SIPA1L3: variants seen among roughly 807,000 people sequenced by gnomAD.
SIPA1L3 encodes signal induced proliferation associated 1 like 3, also known as signal-induced proliferation-associated 1-like protein 3.
SIPA1L3 carries 59 observed loss-of-function variants against 150.1 expected under a neutral mutation model. That is an observed-to-expected ratio of 0.39 (90% CI 0.32 to 0.49). The LOEUF (loss-of-function observed/expected upper bound fraction) is 0.49. SIPA1L3 is among the 20% of genes least tolerant of loss of function. The pLI, the probability that SIPA1L3 is intolerant of heterozygous loss-of-function variation, is 0.86. For synonymous variants in SIPA1L3, 1,070 were observed against 1,077.6 expected (o/e 0.99, Z 0.14); for missense variants, 2,211 against 2,489.5 (o/e 0.89, Z 2.38).
chr19:37,971,709 C>T (rs748535923), intron 1 of SIPA1L3, among the ~76,000 whole-genome samples: 15 of 151,958 alleles, frequency 9.9e-5, no homozygotes, highest in African/African-American at 3.1e-4. Context: ...GGATTACAGG[C>T]GTGTGACACC....
In SIPA1L3 at chr19:38,142,677, C is replaced by A; in HGVS notation, c.3500C>A (p.Ala1167Asp). The change falls in exon 12 of 22, where the codon GCC (alanine) becomes GAC (aspartate). Residue 1167 changes from alanine to aspartate, a missense_variant. Physicochemically the swap from Ala to Asp is moderately radical, Grantham distance 126. Transcript: ENST00000222345. ...GGGAGCTTCTCCACCCCCGGTTCGG[C>A]CACCTACGTGAGATACAAGCCATCC... The part of the protein sequence containing the change: ...PSGSFSTPGS[A>D]TYVRYKPSPE... 1 of 1,614,050 alleles carries A rather than the reference C, an allele frequency of 6.2e-7. No individual in the cohort carries two copies. The highest frequency in any genetic ancestry group is 1.1e-5 in the South Asian group (1 of 91,064).
chr19:38,106,034 T>C (rs974968006), intron 6 of SIPA1L3, among the ~76,000 whole-genome samples: 6 of 152,222 alleles, frequency 3.9e-5, no homozygotes, highest in Non-Finnish European at 5.9e-5. Flanking sequence ...CCATTGGTGC[T>C]GTCAGACTTT....
chr19:38,112,635 GCCAGCTTTAACAGATGTTAACA>G (rs1435017253), intron 8 of SIPA1L3, among the ~76,000 whole-genome samples: 1 of 151,960 alleles, frequency 6.6e-6, no homozygotes, highest in Non-Finnish European at 1.5e-5. Flanking sequence ...TGTGCCCACC[GCCAGCTTTAACAGATGTTAACA>G]TTTTGCTTTG....
At chr19:38,043,705 C>G (rs1968981208) in intron 2 of SIPA1L3, among the ~76,000 whole-genome samples, 1 of 152,198 alleles carries the variant, frequency 6.6e-6, no homozygotes, top group Non-Finnish European at 1.5e-5. Flanking sequence ...GCTTACCTCA[C>G]CATCCGTAAT....
chr19:37,970,125 T>C (rs1270901122), intron 1 of SIPA1L3, among the ~76,000 whole-genome samples: 2 of 152,242 alleles, frequency 1.3e-5, no homozygotes, highest in South Asian at 2.1e-4. Context: ...TAGTTTGTCA[T>C]TGGACTAGAG....
At chr19:37,988,837 C>T (rs1300004295) in intron 1 of SIPA1L3, among the ~76,000 whole-genome samples, 2 of 152,144 alleles carry the variant, frequency 1.3e-5, no homozygotes, top group South Asian at 2.1e-4. Context: ...GCTCCTAGAA[C>T]GCACCAGGCA....
At position 38,019,141 on chromosome 19, in the gene SIPA1L3, C is replaced by T. The variant is rs144381526; in HGVS notation, c.-378-9948C>T. On this transcript the variant is annotated intron_variant, in intron 1 of 21. Transcript: ENST00000222345. ...AAGACTACCGGCTCATTTGAAAAGC[C>T]CATTTGGCTGCCAGTAACAGACACC... 1.3e-3 allele frequency among the ~76,000 whole-genome samples: 196 copies of T among 152,266 alleles called. 1 individual carries two copies. The highest frequency in any genetic ancestry group is 4.7e-3 in the African/African-American group (194 of 41,542).
At chr19:38,143,651 G>A (rs1971643777) in intron 12 of SIPA1L3, among the ~76,000 whole-genome samples, 1 of 143,212 alleles carries the variant, frequency 7.0e-6, no homozygotes, top group Non-Finnish European at 1.5e-5. Flanking sequence ...TGATTCTCCT[G>A]CCTCAGCCTC....
chr19:38,153,043 A>C, intron 13 of SIPA1L3, 76 bp downstream of exon 13: 1 of 1,526,598 alleles, frequency 6.6e-7, no homozygotes, highest in Non-Finnish European at 8.8e-7. Context: ...CTTGACAGGC[A>C]ACACTCCCCC....
chr19:38,166,495 G>C (rs1312485311), intron 15 of SIPA1L3, among the ~76,000 whole-genome samples: 1 of 151,908 alleles, frequency 6.6e-6, no homozygotes. Context: ...GCAGGAATTG[G>C]CGAGCCAGCA....
intron 1 of SIPA1L3, among the ~76,000 whole-genome samples, chr19:37,978,604 T>C (rs1171140944): frequency 6.6e-6 from 1 of 152,202 alleles, no homozygotes; most frequent in Non-Finnish European, 1.5e-5. Flanking sequence ...TTCTATACCA[T>C]GCACAGCCTG....
At chr19:38,193,206 G>T (rs1972841743) in intron 17 of SIPA1L3, among the ~76,000 whole-genome samples, 1 of 151,882 alleles carries the variant, frequency 6.6e-6, no homozygotes, top group Non-Finnish European at 1.5e-5. Flanking sequence ...TTAGCCAAGG[G>T]TGGTGGCATG....
At chr19:38,115,122 C>T (rs1425545605) in intron 8 of SIPA1L3, among the ~76,000 whole-genome samples, 1 of 152,166 alleles carries the variant, frequency 6.6e-6, no homozygotes, top group African/African-American at 2.4e-5. Context: ...GAACCTTTAT[C>T]CACCCCCAAG....
intron 1 of SIPA1L3, among the ~76,000 whole-genome samples, chr19:37,991,939 C>T (rs1484092591): frequency 1.3e-5 from 2 of 152,198 alleles, no homozygotes; most frequent in South Asian, 2.1e-4. Flanking sequence ...TACTTCACCT[C>T]CTTCCTCAGG....
chr19:37,959,228 G>T (rs2046836563), intron 1 of SIPA1L3, among the ~76,000 whole-genome samples: 1 of 152,194 alleles, frequency 6.6e-6, no homozygotes. Flanking sequence ...GTGCATACAT[G>T]TTCAGAGTAG....
At chr19:38,043,990 A>G (rs906715486) in intron 2 of SIPA1L3, among the ~76,000 whole-genome samples, 1 of 152,194 alleles carries the variant, frequency 6.6e-6, no homozygotes, top group African/African-American at 2.4e-5. Flanking sequence ...GCTGTGGTCC[A>G]TGGTCCTGCC....
At chr19:38,118,675 A>G (rs971491652) in intron 8 of SIPA1L3, among the ~76,000 whole-genome samples, 5 of 151,028 alleles carry the variant, frequency 3.3e-5, no homozygotes, top group Non-Finnish European at 7.4e-5. Context: ...CTGGGACTAC[A>G]GGCACCCACC....
Position 38,207,883 on chromosome 19 carries a change from T to TCACCCC in SIPA1L3, c.*1646_*1651dup, listed in dbSNP as rs1973257704. ...CTCAGCGCTGCCCCTGCCCCCACCCTCACCCCCAACACCAAGAGTGAGGTG... is the reference window on the plus strand; with the variant it reads ...CTCAGCGCTGCCCCTGCCCCCACCCTCACCCCCACCCCCAACACCAAGAGTGAGGTG... On this transcript the variant is annotated 3_prime_UTR_variant, in exon 22 of 22. Transcript: ENST00000222345. 6.6e-6 allele frequency: 1 copy of TCACCCC among 152,158 alleles called. No homozygotes were observed. Among genetic ancestry groups the TCACCCC allele is most frequent in the Non-Finnish European group, 1.5e-5 (1 of 67,940 alleles). 9.4% of individuals were successfully genotyped at this position (152,158 alleles called of 1,614,324 possible). A position where few individuals can be genotyped will look rare whatever the true frequency, so the allele number is the denominator to read the frequency against.
At chr19:38,147,094 C>G (rs753360369) in intron 12 of SIPA1L3, among the ~76,000 whole-genome samples, 5 of 151,904 alleles carry the variant, frequency 3.3e-5, no homozygotes, top group Non-Finnish European at 5.9e-5. Context: ...CGGAGTCTTG[C>G]TCTGTTGCCC....
Sources: gnomAD v4.1 joint callset for allele counts (sites outside exome capture counted in the v4.1 genomes callset) on GRCh38, gnomAD v4.1.1 for gene constraint, MANE v1.5 for transcripts, NCBI Gene and HGNC (gene_info 2026-07-23, HGNC 2026-07-21) for gene names.